Variants in PTCSC3 observed in about 807,000 individuals in gnomAD.
The protein encoded by PTCSC3 is papillary thyroid carcinoma susceptibility candidate 3 (non-protein coding).
intron 2 of PTCSC3, among the ~76,000 whole-genome samples, chr14:36,155,131 T>G (rs1161843388): frequency 6.6e-6 from 1 of 152,074 alleles, no homozygotes; most frequent in African/African-American, 2.4e-5. Flanking sequence ...GAAGATTAAA[T>G]GGCCAAAGAG....
At chr14:36,165,549 A>C (rs1228734059) in intron 1 of PTCSC3, among the ~76,000 whole-genome samples, 2 of 152,198 alleles carry the variant, frequency 1.3e-5, no homozygotes, top group Admixed American at 1.3e-4. Flanking sequence ...CTATAAAAAA[A>C]AAAAGCAGTT....
intron 3 of PTCSC3, among the ~76,000 whole-genome samples, chr14:36,146,398 TC>T (rs1881568669): frequency 6.6e-6 from 1 of 151,142 alleles, no homozygotes; most frequent in Non-Finnish European, 1.5e-5. Context: ...GTTGAATTGA[TC>T]CCTTTACCAT....
intron 1 of PTCSC3, among the ~76,000 whole-genome samples, chr14:36,174,744 C>G (rs966285621): frequency 3.9e-5 from 6 of 152,248 alleles, no homozygotes; most frequent in Middle Eastern, 3.4e-3. Context: ...TAAATCTTGT[C>G]GGGGTTTGGT....
intron 3 of PTCSC3, among the ~76,000 whole-genome samples, chr14:36,136,620 A>G (rs1372192715): frequency 7.9e-5 from 12 of 152,124 alleles, no homozygotes; most frequent in African/African-American, 2.4e-4. Flanking sequence ...GATTTATTCT[A>G]TTTACCCAGT....
chr14:36,164,729 T>C (rs537946326), intron 1 of PTCSC3, among the ~76,000 whole-genome samples: 1 of 152,336 alleles, frequency 6.6e-6, no homozygotes, highest in African/African-American at 2.4e-5. Flanking sequence ...TCCCTTTACA[T>C]TGTAGTTCTG....
intron 1 of PTCSC3, chr14:36,165,108 C>G (rs898773978): frequency 1.3e-5 from 2 of 152,146 alleles, no homozygotes; most frequent in Admixed American, 1.3e-4. Context: ...TGAATATTCT[C>G]CAGGATCCCA....
At chr14:36,161,765 A>G (rs1375506166) in intron 2 of PTCSC3, among the ~76,000 whole-genome samples, 1 of 152,190 alleles carries the variant, frequency 6.6e-6, no homozygotes, top group African/African-American at 2.4e-5. Context: ...TGGAAGATCC[A>G]CTGCTTTCTT....
chr14:36,139,954 T>G (rs575745562), intron 3 of PTCSC3, among the ~76,000 whole-genome samples: 1 of 152,330 alleles, frequency 6.6e-6, no homozygotes, highest in South Asian at 2.1e-4. Flanking sequence ...ATAATTTCAC[T>G]GTCCTAAAAG....
chr14:36,144,083 C>T (rs1881496199), intron 3 of PTCSC3, among the ~76,000 whole-genome samples: 1 of 152,110 alleles, frequency 6.6e-6, no homozygotes, highest in South Asian at 2.1e-4. Flanking sequence ...AGTTTGAAGT[C>T]AGGTAGTGTG....
intron 3 of PTCSC3, among the ~76,000 whole-genome samples, chr14:36,143,548 C>G (rs1384526970): frequency 6.8e-6 from 1 of 148,044 alleles, no homozygotes; most frequent in African/African-American, 2.5e-5. Context: ...ATTGTAGATT[C>G]TGGATATTAG....
chr14:36,164,457 T>C (rs1882042055), intron 1 of PTCSC3, among the ~76,000 whole-genome samples: 1 of 152,218 alleles, frequency 6.6e-6, no homozygotes. Context: ...AATCCTTGCA[T>C]TTATGTGTTA....
At chr14:36,159,070 G>A (rs1455800028) in intron 2 of PTCSC3, among the ~76,000 whole-genome samples, 2 of 152,000 alleles carry the variant, frequency 1.3e-5, no homozygotes, top group Non-Finnish European at 2.9e-5. Flanking sequence ...TCTGATGGTA[G>A]TTTGTATTTC....
intron 2 of PTCSC3, among the ~76,000 whole-genome samples, chr14:36,157,194 G>T (rs557335972): frequency 1.5e-4 from 23 of 152,198 alleles, no homozygotes; most frequent in African/African-American, 5.3e-4. Context: ...ATGTTTTTCG[G>T]CTGCATAAAT....
At chr14:36,163,336 C>T (rs1882011931) in intron 1 of PTCSC3, among the ~76,000 whole-genome samples, 2 of 151,906 alleles carry the variant, frequency 1.3e-5, no homozygotes, top group Admixed American at 6.6e-5. Context: ...CCCCAAGGTA[C>T]AATATTTTTT....
At chr14:36,160,546 T>C (rs1881932378) in intron 2 of PTCSC3, among the ~76,000 whole-genome samples, 1 of 152,206 alleles carries the variant, frequency 6.6e-6, no homozygotes, top group South Asian at 2.1e-4. Flanking sequence ...TGTTGAATAT[T>C]GGCCCCCACT....
chr14:36,149,306 A>G (rs1881669412), intron 3 of PTCSC3, among the ~76,000 whole-genome samples: 1 of 151,962 alleles, frequency 6.6e-6, no homozygotes, highest in South Asian at 2.1e-4. Context: ...CGATATTTTT[A>G]TTGATTTCTA....
chr14:36,155,700 C>T (rs1015027898), intron 2 of PTCSC3, among the ~76,000 whole-genome samples: 1 of 152,062 alleles, frequency 6.6e-6, no homozygotes, highest in Non-Finnish European at 1.5e-5. Context: ...GTGTCCTGTA[C>T]AATTTCACAA....
chr14:36,169,940 T>A (rs1882163279), intron 1 of PTCSC3, among the ~76,000 whole-genome samples: 2 of 152,162 alleles, frequency 1.3e-5, no homozygotes, highest in Admixed American at 1.3e-4. Flanking sequence ...TATTAAGTGC[T>A]GTAATAGAGA....
intron 3 of PTCSC3, among the ~76,000 whole-genome samples, chr14:36,138,700 T>A (rs1312193871): frequency 6.6e-6 from 1 of 152,248 alleles, no homozygotes. Flanking sequence ...TATGGAATTC[T>A]TATACATTAC....
Sources: gnomAD v4.1 joint callset for allele counts (sites outside exome capture counted in the v4.1 genomes callset) on GRCh38, gnomAD v4.1.1 for gene constraint, MANE v1.5 for transcripts, NCBI Gene and HGNC (gene_info 2026-07-23, HGNC 2026-07-21) for gene names.